Variants in CCDC126 observed in about 807,000 individuals in gnomAD.
CCDC126 encodes coiled-coil domain containing 126.
In CCDC126, 5 loss-of-function variants were observed where a neutral mutation model predicts 11.7. The ratio of observed to expected loss-of-function variants is 0.43; its 90% CI spans 0.22 to 0.90. The LOEUF is 0.90. CCDC126 is among the 40% of genes least tolerant of loss of function. The pLI is 0.27. For missense variants in CCDC126, 150 were observed against 163.1 expected (o/e 0.92, Z 0.44); for synonymous variants, 60 against 61.9 (o/e 0.97, Z 0.14).
At chr7:23,600,378 C>G (rs971266168) in intron 2 of CCDC126, among the ~76,000 whole-genome samples, 5 of 134,404 alleles carry the variant, frequency 3.7e-5, no homozygotes, top group South Asian at 2.9e-4. Context: ...GTGTTAACCC[C>G]CCCCCCCCCA....
In CCDC126 at chr7:23,599,218, A is replaced by G. The variant is rs6945648; in HGVS notation, c.-146+1167A>G. Among the ~76,000 whole-genome samples, 867 of 152,234 alleles carry G rather than the reference A, an allele frequency of 5.7e-3. 11 individuals carry two copies. The highest frequency in any genetic ancestry group is 0.02 in the African/African-American group (833 of 41,540). On this transcript the variant is annotated intron_variant, in intron 2 of 3. Transcript: ENST00000307471. ...TCTGTATCTTTTGCTCATAGCCCCT[A>G]TACCTGTTGTGCCTGATTCTTCATA... is the stretch of plus-strand genomic sequence containing the variant.
chr7:23,636,698 C>T (rs1429460518), intron 3 of CCDC126, among the ~76,000 whole-genome samples: 1 of 145,690 alleles, frequency 6.9e-6, no homozygotes, highest in Admixed American at 6.7e-5. Flanking sequence ...GGAGCCCCTC[C>T]GCCTGGCAGC....
intron 3 of CCDC126, among the ~76,000 whole-genome samples, chr7:23,638,263 T>C (rs1027100988): frequency 2.6e-5 from 4 of 151,362 alleles, no homozygotes; most frequent in African/African-American, 9.7e-5. Context: ...GGCGGTTTTG[T>C]GGAATAGAAA....
rs908256913 is a variant in CCDC126, at chr7:23,615,606, T to C, written c.238+4053T>C. On this transcript the variant is annotated intron_variant, in intron 3 of 3. Transcript: ENST00000307471. ...TCACTAAATTTAATCATTTCTGGCT[T>C]TTAGTTTAAAGTGAGAGAAGAGGGA... 3.3e-5 allele frequency among the ~76,000 whole-genome samples: 5 copies of C among 152,358 alleles called. No individual in the cohort carries two copies. In the East Asian group the frequency reaches 9.6e-4, roughly 29 times the overall value.
At chr7:23,639,018 TG>T (rs1783303803) in intron 3 of CCDC126, among the ~76,000 whole-genome samples, 1 of 151,910 alleles carries the variant, frequency 6.6e-6, no homozygotes, top group Non-Finnish European at 1.5e-5. Flanking sequence ...GATTATCTCC[TG>T]TTTACCAAAT....
chr7:23,605,850 T>C (rs1782613775), intron 2 of CCDC126, among the ~76,000 whole-genome samples: 1 of 152,218 alleles, frequency 6.6e-6, no homozygotes, highest in African/African-American at 2.4e-5. Context: ...TTACAGATTG[T>C]ATGATAATCC....
At chr7:23,603,072 G>A (rs935495815) in intron 2 of CCDC126, among the ~76,000 whole-genome samples, 1 of 152,054 alleles carries the variant, frequency 6.6e-6, no homozygotes, top group African/African-American at 2.4e-5. Context: ...TTTATGCACT[G>A]CCCCCCACCC....
chr7:23,612,985 G>A (rs1782742097), intron 3 of CCDC126, among the ~76,000 whole-genome samples: 1 of 152,086 alleles, frequency 6.6e-6, no homozygotes, highest in Admixed American at 6.5e-5. Flanking sequence ...TGAATGTGTG[G>A]ACATTTTCTC....
intron 3 of CCDC126, among the ~76,000 whole-genome samples, chr7:23,623,433 C>G (rs1178345472): frequency 1.3e-5 from 2 of 151,938 alleles, no homozygotes; most frequent in South Asian, 2.1e-4. Context: ...CCCATCTGTA[C>G]TAAGAATACA....
chr7:23,608,684 C>T (rs948137709), intron 2 of CCDC126, among the ~76,000 whole-genome samples: 4 of 152,110 alleles, frequency 2.6e-5, no homozygotes, highest in African/African-American at 9.7e-5. Flanking sequence ...TCTGACTGCC[C>T]ATCCTGTTAG....
chr7:23,623,526 G>A (rs961159786), intron 3 of CCDC126, among the ~76,000 whole-genome samples: 1 of 151,590 alleles, frequency 6.6e-6, no homozygotes, highest in Non-Finnish European at 1.5e-5. Context: ...AACCCAGAAG[G>A]CAGAGGTTGT....
intron 2 of CCDC126, among the ~76,000 whole-genome samples, chr7:23,605,560 TTCA>T (rs1782610138): frequency 1.3e-5 from 2 of 152,200 alleles, no homozygotes; most frequent in African/African-American, 4.8e-5. Flanking sequence ...CCAGAGCTTC[TTCA>T]TCATCTCCAT....
chr7:23,609,429 C>T (rs1315768815), intron 2 of CCDC126, among the ~76,000 whole-genome samples: 1 of 152,114 alleles, frequency 6.6e-6, no homozygotes. Flanking sequence ...CCTCGGCCTC[C>T]CAAAGTGCTG....
rs76612391 is a variant in CCDC126 at position 23,605,587 on chromosome 7, C to T, written c.-145-5584C>T. 2.6e-4 allele frequency among the ~76,000 whole-genome samples: 39 copies of T among 152,278 alleles called. No individual in the cohort carries two copies. The East Asian group carries it at 6.7e-3, about 26-fold the overall frequency. The stretch of plus-strand genomic sequence containing the variant: ...CATCATCTCCATCTGAAACTCTGTA[C>T]CCATTAAATCATAACTTTCCATTCT... On this transcript the variant is annotated intron_variant, in intron 2 of 3. Coordinates refer to ENST00000307471, the MANE Select transcript of CCDC126 (RefSeq NM_138771.4).
intron 3 of CCDC126, 90 bp from the exon 4 acceptor site, chr7:23,642,841 A>G: frequency 2.0e-6 from 2 of 1,021,692 alleles, no homozygotes; most frequent in Admixed American, 2.1e-5. Context: ...CAGATGACCC[A>G]GTAGTTGTTC....
intron 2 of CCDC126, among the ~76,000 whole-genome samples, chr7:23,604,865 G>C (rs960594345): frequency 1.3e-5 from 2 of 151,970 alleles, no homozygotes; most frequent in Non-Finnish European, 2.9e-5. Flanking sequence ...GGGTGTGGTG[G>C]CGGGCGCCTG....
chr7:23,638,662 C>A (rs1359335001), intron 3 of CCDC126, among the ~76,000 whole-genome samples: 3 of 116,116 alleles, frequency 2.6e-5, no homozygotes, highest in African/African-American at 1.0e-4. Context: ...CACTATTGTC[C>A]TATGACCCTG....
chr7:23,600,724 T>C (rs1782525712), intron 2 of CCDC126, among the ~76,000 whole-genome samples: 1 of 152,180 alleles, frequency 6.6e-6, no homozygotes, highest in Non-Finnish European at 1.5e-5. Flanking sequence ...GAGCACTGAA[T>C]AGATGCAAAA....
chr7:23,601,082 C>T (rs1389110299), intron 2 of CCDC126, among the ~76,000 whole-genome samples: 3 of 151,350 alleles, frequency 2.0e-5, no homozygotes, highest in Non-Finnish European at 4.4e-5. Context: ...ACTCCATACA[C>T]GTGTAACTGT....
Sources: gnomAD v4.1 joint callset for allele counts (sites outside exome capture counted in the v4.1 genomes callset) on GRCh38, gnomAD v4.1.1 for gene constraint, MANE v1.5 for transcripts, NCBI Gene and HGNC (gene_info 2026-07-23, HGNC 2026-07-21) for gene names.